Variants in LAMA2 observed in about 807,000 individuals in gnomAD.
The protein encoded by LAMA2 is laminin subunit alpha-2.
Under a neutral mutation model 364.8 loss-of-function variants are expected in LAMA2, and 269 were observed. The observed-to-expected ratio is 0.74, with a 90% CI of 0.67 to 0.82. The LOEUF (loss-of-function observed/expected upper bound fraction) is 0.82. LAMA2 is among the 40% of genes least tolerant of loss of function. The pLI is 0.00. For missense variants in LAMA2, 3,807 were observed against 3,873.2 expected (o/e 0.98, Z 0.45); for synonymous variants, 1,379 against 1,370.6 (o/e 1.01, Z -0.14).
intron 29 of LAMA2, among the ~76,000 whole-genome samples, chr6:129,331,907 C>T (rs931499219): frequency 6.6e-6 from 1 of 152,124 alleles, no homozygotes; most frequent in African/African-American, 2.4e-5. Context: ...GTGAATCACC[C>T]CATTCTTCTT....
intron 12 of LAMA2, among the ~76,000 whole-genome samples, chr6:129,224,523 A>G (rs1241522995): frequency 3.3e-5 from 5 of 152,182 alleles, no homozygotes; most frequent in East Asian, 1.9e-4. Flanking sequence ...ACATCCCATC[A>G]ATACCTAATT....
At chr6:129,514,679 G>C (rs1035545411) in intron 64 of LAMA2, 84 bp downstream of exon 64, 2 of 1,066,172 alleles carry the variant, frequency 1.9e-6, no homozygotes, top group African/African-American at 3.1e-5. Context: ...GTGTGTCTAA[G>C]AATGTGTGCT....
At chr6:129,375,298 G>A (rs1260731563) in intron 34 of LAMA2, among the ~76,000 whole-genome samples, 1 of 148,158 alleles carries the variant, frequency 6.7e-6, no homozygotes, top group African/African-American at 2.5e-5. Context: ...CCTACAGTAT[G>A]TGTGAAATAT....
intron 32 of LAMA2, among the ~76,000 whole-genome samples, chr6:129,362,048 C>T (rs1777495788): frequency 6.6e-6 from 1 of 151,886 alleles, no homozygotes; most frequent in African/African-American, 2.4e-5. Flanking sequence ...GCCTCCCATA[C>T]TGCTTGGATT....
intron 53 of LAMA2, among the ~76,000 whole-genome samples, chr6:129,476,423 A>G (rs1784070426): frequency 6.6e-6 from 1 of 152,158 alleles, no homozygotes; most frequent in Non-Finnish European, 1.5e-5. Context: ...ATGTTAATAA[A>G]ATTCTGGGAT....
At chr6:129,035,464 T>A (rs1786571397) in intron 1 of LAMA2, among the ~76,000 whole-genome samples, 1 of 151,830 alleles carries the variant, frequency 6.6e-6, no homozygotes, top group Admixed American at 6.6e-5. Context: ...GTTGTCTGTT[T>A]ATTTTGTTAA....
chr6:129,039,400 A>G (rs1786917819), intron 1 of LAMA2, among the ~76,000 whole-genome samples: 1 of 152,218 alleles, frequency 6.6e-6, no homozygotes. Flanking sequence ...GAAGGCATGA[A>G]GGAGGATAGC....
rs539714282 is a variant in LAMA2 at position 128,935,068 on chromosome 6, C to CTTA, written c.112+51722_112+51724dup. On this transcript the variant is annotated intron_variant, in intron 1 of 64. Transcript: ENST00000421865. ...ATTTTTGACGCTATTGCTTTGGTTT[C>CTTA]TTATTATTATTATACTTTGAGTTCT... 4.0e-3 allele frequency among the ~76,000 whole-genome samples: 607 copies of CTTA among 151,994 alleles called. 2 individuals are homozygous for CTTA. The highest frequency in any genetic ancestry group is 4.8e-3 in the Non-Finnish European group (328 of 67,946).
chr6:129,388,602 C>T (rs1779153142), intron 35 of LAMA2, among the ~76,000 whole-genome samples: 2 of 152,096 alleles, frequency 1.3e-5, no homozygotes. Context: ...TTCCCTTCCT[C>T]TATACTGCCT....
chr6:129,404,867 T>A (rs1380385593), intron 40 of LAMA2, among the ~76,000 whole-genome samples: 1 of 152,030 alleles, frequency 6.6e-6, no homozygotes, highest in East Asian at 1.9e-4. Flanking sequence ...TTAGGGGATA[T>A]TAGAGATATC....
chr6:129,406,099 A>G (rs1269731393), intron 40 of LAMA2, among the ~76,000 whole-genome samples: 5 of 152,186 alleles, frequency 3.3e-5, no homozygotes, highest in African/African-American at 9.6e-5. Flanking sequence ...TGAAAATACC[A>G]TAAGAAAAGA....
chr6:129,477,085 C>G (rs760128014), intron 53 of LAMA2, among the ~76,000 whole-genome samples: 4 of 152,156 alleles, frequency 2.6e-5, no homozygotes, highest in Non-Finnish European at 5.9e-5. Flanking sequence ...GCCGACTGGA[C>G]AGTTTTTACC....
intron 29 of LAMA2, among the ~76,000 whole-genome samples, chr6:129,330,549 G>A (rs943953657): frequency 6.8e-6 from 1 of 148,078 alleles, no homozygotes; most frequent in Admixed American, 6.8e-5. Flanking sequence ...AGTTTCTTGT[G>A]CCTCTCTGGT....
At position 129,291,631 on chromosome 6, in the gene LAMA2, G is replaced by A. The variant is rs144492513; in HGVS notation, c.2767G>A (p.Gly923Ser). 4.2e-5 allele frequency: 67 copies of A among 1,613,786 alleles called. 1 individual carries two copies. Among genetic ancestry groups the A allele is most frequent in the African/African-American group, 3.6e-4 (27 of 75,026 alleles). Reference protein sequence around the residue: ...KNCQPCRCNAGGSFSEVCHSQ... With the variant: ...KNCQPCRCNASGSFSEVCHSQ... ...CTTTGCAGCCTGTCGCTGTAATGCC[G>A]GTGGCTCTTTCTCTGAGGTTTGCCA... The change falls in exon 20 of 65, where the codon GGT becomes AGT. Residue 923 changes from glycine to serine, a missense_variant. Transcript: ENST00000421865.
intron 1 of LAMA2, among the ~76,000 whole-genome samples, chr6:128,969,640 A>C (rs1782066981): frequency 6.6e-6 from 1 of 152,150 alleles, no homozygotes; most frequent in African/African-American, 2.4e-5. Flanking sequence ...CATGTTGTCC[A>C]GGCTGTTCTC....
intron 40 of LAMA2, among the ~76,000 whole-genome samples, chr6:129,426,439 G>A (rs1011598248): frequency 6.6e-6 from 1 of 151,864 alleles, no homozygotes; most frequent in East Asian, 1.9e-4. Context: ...AAAGTACATT[G>A]CATCTGTGTC....
intron 3 of LAMA2, among the ~76,000 whole-genome samples, chr6:129,085,006 A>G (rs1429344995): frequency 6.6e-6 from 1 of 152,142 alleles, no homozygotes; most frequent in Non-Finnish European, 1.5e-5. Context: ...TTCCTGCTTT[A>G]CCATTTGCTG....
At chr6:129,066,041 T>TTTTTTTTTTTG (rs1789287973) in intron 3 of LAMA2, among the ~76,000 whole-genome samples, 1 of 64,028 alleles carries the variant, frequency 1.6e-5, no homozygotes, top group African/African-American at 4.4e-5. Context: ...GTCTCAGGTT[T>TTTTTTTTTTTG]TTTTTTTTTT....
chr6:129,463,928 A>G (rs1347976284), intron 49 of LAMA2, among the ~76,000 whole-genome samples: 2 of 152,000 alleles, frequency 1.3e-5, no homozygotes, highest in African/African-American at 4.8e-5. Context: ...AGGATCCTAT[A>G]TATAAGAAAT....
Sources: allele counts gnomAD v4.1 joint callset (sites outside exome capture counted in the v4.1 genomes callset), GRCh38; gene constraint gnomAD v4.1.1; transcripts MANE v1.5; gene names NCBI Gene and HGNC (gene_info 2026-07-23, HGNC 2026-07-21).